Variants in CERS6 observed in about 807,000 individuals in gnomAD.
CERS6 encodes ceramide synthase 6.
A neutral mutation model predicts 56.8 loss-of-function variants in CERS6; 26 were observed. The ratio of observed to expected loss-of-function variants is 0.46; its 90% confidence interval spans 0.34 to 0.63. The LOEUF is 0.63. Ranked by LOEUF, CERS6 falls within the 30% of genes least tolerant of loss-of-function variation. CERS6 has a pLI of 0.01. For missense variants in CERS6, 415 were observed against 467.5 expected (o/e 0.89, Z 1.04); for synonymous variants, 164 against 173.3 (o/e 0.95, Z 0.42).
At chr2:168,596,056 C>T (rs766690862) in intron 3 of CERS6, among the ~76,000 whole-genome samples, 3 of 143,500 alleles carry the variant, frequency 2.1e-5, no homozygotes, top group African/African-American at 5.2e-5. Context: ...CAAGACCAGC[C>T]TGGGCAACAA....
chr2:168,535,420 A>T (rs1485627683), intron 1 of CERS6, among the ~76,000 whole-genome samples: 1 of 151,952 alleles, frequency 6.6e-6, no homozygotes, highest in Non-Finnish European at 1.5e-5. Flanking sequence ...TAGCATGTTC[A>T]CTTACTGCTT....
intron 1 of CERS6, among the ~76,000 whole-genome samples, chr2:168,543,406 C>G (rs1695408427): frequency 6.6e-6 from 1 of 152,136 alleles, no homozygotes; most frequent in Admixed American, 6.5e-5. Flanking sequence ...GACTCTATCT[C>G]TTTCTCTCAA....
intron 4 of CERS6, among the ~76,000 whole-genome samples, chr2:168,644,684 G>C (rs921713993): frequency 6.6e-6 from 1 of 152,116 alleles, no homozygotes; most frequent in African/African-American, 2.4e-5. Context: ...CTGACAGCCA[G>C]TTTCAGGCAG....
intron 4 of CERS6, among the ~76,000 whole-genome samples, chr2:168,653,736 C>T (rs1296493377): frequency 6.6e-6 from 1 of 152,160 alleles, no homozygotes; most frequent in Non-Finnish European, 1.5e-5. Flanking sequence ...CTGCCAGCAA[C>T]ACTAACAACT....
chr2:168,613,084 G>A (rs1684227542), intron 3 of CERS6, among the ~76,000 whole-genome samples: 1 of 152,214 alleles, frequency 6.6e-6, no homozygotes, highest in South Asian at 2.1e-4. Context: ...GAGGTTTGAT[G>A]CCTGGGATAA....
At chr2:168,584,328 T>G (rs1321798999) in intron 3 of CERS6, among the ~76,000 whole-genome samples, 1 of 152,228 alleles carries the variant, frequency 6.6e-6, no homozygotes, top group Non-Finnish European at 1.5e-5. Context: ...GATACCCCTC[T>G]GTGGAAATTA....
At chr2:168,671,326 A>G (rs143911774) in intron 4 of CERS6, among the ~76,000 whole-genome samples, 36 of 152,260 alleles carry the variant, frequency 2.4e-4, no homozygotes, top group Non-Finnish European at 4.7e-4. Context: ...GCCAGCGTTC[A>G]GTTTGATTAT....
intron 8 of CERS6, among the ~76,000 whole-genome samples, chr2:168,739,397 C>T (rs1226933999): frequency 3.3e-5 from 5 of 152,146 alleles, no homozygotes; most frequent in East Asian, 1.9e-4. Flanking sequence ...AATCTTACTC[C>T]GGGAATAGAG....
chr2:168,731,668 C>T (rs1176627903), intron 8 of CERS6, among the ~76,000 whole-genome samples: 1 of 152,034 alleles, frequency 6.6e-6, no homozygotes, highest in Non-Finnish European at 1.5e-5. Context: ...TGCAGTCATC[C>T]AAGGAAGAGT....
At chr2:168,535,464 T>G (rs1695244001) in intron 1 of CERS6, among the ~76,000 whole-genome samples, 1 of 152,024 alleles carries the variant, frequency 6.6e-6, no homozygotes, top group Admixed American at 6.5e-5. Context: ...CTCCTGGCTC[T>G]CAGGTGGGCC....
At chr2:168,586,534 A>T (rs1056322233) in intron 3 of CERS6, among the ~76,000 whole-genome samples, 2 of 152,202 alleles carry the variant, frequency 1.3e-5, no homozygotes, top group African/African-American at 4.8e-5. Flanking sequence ...CCGATCTTCA[A>T]ATATAGCAAA....
At chr2:168,762,651 A>C (rs1376777810) in intron 8 of CERS6, among the ~76,000 whole-genome samples, 2 of 152,176 alleles carry the variant, frequency 1.3e-5, no homozygotes, top group South Asian at 2.1e-4. Flanking sequence ...CAACTATTTC[A>C]TGAGGTATTA....
intron 6 of CERS6, among the ~76,000 whole-genome samples, chr2:168,703,881 TTTC>T (rs1329996805): frequency 6.6e-6 from 1 of 152,202 alleles, no homozygotes; most frequent in Non-Finnish European, 1.5e-5. Flanking sequence ...CTGTGTCCTG[TTTC>T]TTTCTCACTG....
intron 1 of CERS6, among the ~76,000 whole-genome samples, chr2:168,489,913 G>A (rs1694340045): frequency 1.3e-5 from 2 of 152,154 alleles, no homozygotes; most frequent in African/African-American, 2.4e-5. Context: ...TGGACATTGT[G>A]TATGTTATGT....
At chr2:168,593,302 G>GGGGC (rs1683718685) in intron 3 of CERS6, among the ~76,000 whole-genome samples, 1 of 152,136 alleles carries the variant, frequency 6.6e-6, no homozygotes, top group Non-Finnish European at 1.5e-5. Context: ...TGGATATATT[G>GGGGC]GGGCCATTGC....
intron 4 of CERS6, among the ~76,000 whole-genome samples, chr2:168,677,976 A>T (rs1199475606): frequency 6.6e-6 from 1 of 152,226 alleles, no homozygotes; most frequent in Non-Finnish European, 1.5e-5. Context: ...GAGAAATGCT[A>T]ATCAAAACCA....
intron 4 of CERS6, among the ~76,000 whole-genome samples, chr2:168,631,269 A>G (rs1422072678): frequency 6.7e-6 from 1 of 150,226 alleles, no homozygotes; most frequent in Non-Finnish European, 1.5e-5. Flanking sequence ...GGAAGCTTAT[A>G]AAATCCATCT....
chr2:168,607,118 TG>T (rs1416749967), intron 3 of CERS6, among the ~76,000 whole-genome samples: 5 of 152,138 alleles, frequency 3.3e-5, no homozygotes, highest in African/African-American at 1.2e-4. Context: ...CATTTTTAAA[TG>T]GTTATATTTT....
At chr2:168,495,790 A>T (rs1327808954) in intron 1 of CERS6, among the ~76,000 whole-genome samples, 1 of 151,932 alleles carries the variant, frequency 6.6e-6, no homozygotes, top group Non-Finnish European at 1.5e-5. Context: ...TTCTCCTTTC[A>T]GGGGGGGCAT....
Sources: gnomAD v4.1 joint callset for allele counts (sites outside exome capture counted in the v4.1 genomes callset) on GRCh38, gnomAD v4.1.1 for gene constraint, MANE v1.5 for transcripts, NCBI Gene and HGNC (gene_info 2026-07-23, HGNC 2026-07-21) for gene names.